Variants in CAMK2A observed in about 807,000 individuals in gnomAD.
The protein encoded by CAMK2A is calcium/calmodulin-dependent protein kinase type II subunit alpha.
A neutral mutation model predicts 79.2 loss-of-function variants in CAMK2A; 7 were observed. The observed-to-expected ratio is 0.09, with a 90% CI of 0.05 to 0.17. CAMK2A has a LOEUF of 0.17. CAMK2A is among the 10% of genes least tolerant of loss of function. The pLI is 1.00. For missense variants in CAMK2A, 214 were observed against 646.4 expected (o/e 0.33, Z 7.25); for synonymous variants, 242 against 251.7 (o/e 0.96, Z 0.36).
chr5:150,287,937 C>CTGTGTGTGTG lies in CAMK2A; in HGVS notation c.62+1617_62+1626dup, dbSNP rs57886187. On this transcript the variant is annotated intron_variant, in intron 1 of 18. Coordinates refer to ENST00000671881, the MANE Select transcript of CAMK2A (RefSeq NM_015981.4). ...GTGGTGCATGCCTGTAGGATAGCCT[C>CTGTGTGTGTG]TGTGTGTGTGTGTGTGTGTGTGTGT... is the stretch of plus-strand genomic sequence containing the variant. Among the ~76,000 whole-genome samples the CTGTGTGTGTG allele has an allele frequency of 8.3e-3, 1,172 of 140,864 alleles. 14 individuals are homozygous for CTGTGTGTGTG. Among genetic ancestry groups the CTGTGTGTGTG allele is most frequent in the African/African-American group, 0.022 (833 of 37,968 alleles). 92.4% of individuals were successfully genotyped at this position (140,864 alleles called of 152,430 possible). A position where few individuals can be genotyped will look rare whatever the true frequency, so the allele number is the denominator to read the frequency against.
Position 150,231,604 on chromosome 5 carries a change from C to T in CAMK2A, c.1067-224G>A, listed in dbSNP as rs560939743. 5.6e-5 allele frequency among the ~76,000 whole-genome samples: 6 copies of T among 107,444 alleles called. No individual in the cohort carries two copies. In the East Asian group the frequency reaches 1.3e-3, roughly 23 times the overall value. The allele number at this position is 107,444 out of a possible 152,430, so 70.5% of individuals were successfully genotyped here. ...CCCATTTCACAGAAGAAACTGAGGCCCAGAAAGGCAAAAAAAAAAAAAAAA... is the reference window on the plus strand; with the variant it reads ...CCCATTTCACAGAAGAAACTGAGGCTCAGAAAGGCAAAAAAAAAAAAAAAA... On this transcript the variant is annotated intron_variant, in intron 15 of 18. Coordinates refer to ENST00000671881, the MANE Select transcript of CAMK2A (RefSeq NM_015981.4).
intron 2 of CAMK2A, among the ~76,000 whole-genome samples, chr5:150,268,312 C>T (rs939179405): frequency 1.3e-5 from 2 of 152,208 alleles, no homozygotes; most frequent in African/African-American, 4.8e-5. Flanking sequence ...TCCAGCCACA[C>T]TGGCCTCCTC....
rs898551980 is a variant in CAMK2A, at chr5:150,221,623, C to G, written c.*1087G>C. ...TCAGTGCTGGCATCTGATGCTTCCA[C>G]AGTCCCAAAAGGAACGCCTGTGTCA... is the stretch of plus-strand genomic sequence containing the variant. On this transcript the variant is annotated 3_prime_UTR_variant, in exon 19 of 19. Transcript: ENST00000671881. 14 of 398,534 alleles carry G rather than the reference C, an allele frequency of 3.5e-5. No homozygotes were observed. The highest frequency in any genetic ancestry group is 5.8e-5 in the Non-Finnish European group (13 of 226,054). The allele number at this position is 398,534 out of a possible 1,614,324, so 24.7% of individuals were successfully genotyped here.
intron 6 of CAMK2A, among the ~76,000 whole-genome samples, chr5:150,255,079 A>G (rs755491067): frequency 2.0e-5 from 3 of 152,024 alleles, no homozygotes; most frequent in Non-Finnish European, 4.4e-5. Flanking sequence ...TGTTCCTAAC[A>G]TGTCCTGGGT....
At chr5:150,257,664 A>G in intron 3 of CAMK2A, 47 bp from the exon 4 acceptor site, 2 of 1,460,178 alleles carry the variant, frequency 1.4e-6, no homozygotes, top group East Asian at 4.9e-5. Flanking sequence ...ACACTGCTGC[A>G]CAGGCCCGCC....
At chr5:150,265,185 C>T (rs1756459661) in intron 2 of CAMK2A, 170 bp from the exon 3 acceptor site, 2 of 620,176 alleles carry the variant, frequency 3.2e-6, no homozygotes, top group African/African-American at 1.8e-5. Context: ...CCATGGGGTG[C>T]AGTGGAAAGA....
intron 15 of CAMK2A, 83 bp downstream of exon 15, chr5:150,238,616 CG>C: frequency 1.5e-6 from 2 of 1,307,268 alleles, no homozygotes; most frequent in Non-Finnish European, 2.2e-6. Flanking sequence ...GAGGTTGGCA[CG>C]TGGGAGCTGT....
At chr5:150,281,272 T>G (rs1320445496) in intron 1 of CAMK2A, among the ~76,000 whole-genome samples, 1 of 152,250 alleles carries the variant, frequency 6.6e-6, no homozygotes, top group Non-Finnish European at 1.5e-5. Flanking sequence ...CCTGGTCAAA[T>G]GCAGATAGAT....
intron 12 of CAMK2A, among the ~76,000 whole-genome samples, chr5:150,246,445 A>T (rs1428761837): frequency 6.6e-6 from 1 of 152,178 alleles, no homozygotes; most frequent in Non-Finnish European, 1.5e-5. Context: ...CACAGCGTCT[A>T]ATTTTCAAGA....
chr5:150,241,707 TCTTC>T (rs1373984238), intron 13 of CAMK2A, among the ~76,000 whole-genome samples: 3 of 141,258 alleles, frequency 2.1e-5, no homozygotes, highest in African/African-American at 5.3e-5. Context: ...CTCCTTCCTC[TCTTC>T]CTTCTTTTCC....
chr5:150,227,354 C>T (rs1198876812), intron 17 of CAMK2A, among the ~76,000 whole-genome samples: 2 of 152,202 alleles, frequency 1.3e-5, no homozygotes. Flanking sequence ...GGAAAGAGCT[C>T]TCTCACTGTG....
At position 150,254,227 on chromosome 5, in the gene CAMK2A, C is replaced by T. The variant is rs909423630; in HGVS notation, c.412-681G>A. On this transcript the variant is annotated intron_variant, in intron 6 of 18. Coordinates refer to ENST00000671881, the MANE Select transcript of CAMK2A (RefSeq NM_015981.4). ...GTTGTTACCTTCATAGATCTCATCACAATTTGCAGTGTTTTCTCCCATCTG... is the reference window on the plus strand; with the variant it reads ...GTTGTTACCTTCATAGATCTCATCATAATTTGCAGTGTTTTCTCCCATCTG... 2.6e-5 allele frequency among the ~76,000 whole-genome samples: 4 copies of T among 152,314 alleles called. No homozygotes were observed. In the South Asian group the frequency reaches 8.3e-4, roughly 32 times the overall value.
chr5:150,252,101 CAG>C (rs1755862608), intron 7 of CAMK2A, 36 bp from the exon 8 acceptor site: 1 of 1,498,540 alleles, frequency 6.7e-7, no homozygotes, highest in Non-Finnish European at 9.3e-7. Context: ...GACACATACA[CAG>C]AGGTTGTCTC....
chr5:150,252,252 G>A (rs892693286), intron 7 of CAMK2A, among the ~76,000 whole-genome samples, 187 bp from the exon 8 acceptor site: 7 of 152,152 alleles, frequency 4.6e-5, no homozygotes, highest in East Asian at 1.9e-4. Context: ...AGCCTGATGA[G>A]CCAGCAAAGC....
chr5:150,257,632 A>C lies in CAMK2A; in HGVS notation c.218-15T>G. On this transcript the variant is annotated splice_polypyrimidine_tract_variant and intron_variant, in intron 3 of 18. Coordinates refer to ENST00000671881, the MANE Select transcript of CAMK2A (RefSeq NM_015981.4). ...ATGTAGTCGGACTGTGGGCGGGGCA[A>C]GGCAGTTGGTTACAGTGGGACACAC... The C allele has an allele frequency of 1.3e-6, 2 of 1,561,012 alleles. No individual in the cohort carries two copies. Among genetic ancestry groups the C allele is most frequent in the South Asian group, 2.4e-5 (2 of 84,454 alleles).
intron 1 of CAMK2A, among the ~76,000 whole-genome samples, chr5:150,273,879 G>A (rs923841472): frequency 3.9e-5 from 6 of 152,320 alleles, no homozygotes; most frequent in Admixed American, 6.5e-5. Flanking sequence ...ATGACTAGCC[G>A]TGTATGTGTG....
chr5:150,240,618 G>A (rs1407963617), intron 13 of CAMK2A, among the ~76,000 whole-genome samples: 7 of 152,246 alleles, frequency 4.6e-5, no homozygotes, highest in African/African-American at 7.2e-5. Flanking sequence ...CAAGCCAGGA[G>A]TCTTAAAGAC....
chr5:150,265,260 A>G, intron 2 of CAMK2A: 1 of 497,554 alleles, frequency 2.0e-6, no homozygotes, highest in South Asian at 2.1e-5. Context: ...CGTTTCCATG[A>G]TTCTTAAATG....
At chr5:150,250,951 C>T in intron 9 of CAMK2A, 141 bp from the exon 10 acceptor site, 2 of 938,934 alleles carry the variant, frequency 2.1e-6, no homozygotes, top group Non-Finnish European at 3.2e-6. Context: ...AGTTGGGGCT[C>T]CTCACTGCAG....
Sources: gnomAD v4.1 joint callset for allele counts (sites outside exome capture counted in the v4.1 genomes callset) on GRCh38, gnomAD v4.1.1 for gene constraint, MANE v1.5 for transcripts, NCBI Gene and HGNC (gene_info 2026-07-23, HGNC 2026-07-21) for gene names.